The following TENM3 variants were observed in gnomAD, a reference collection of about 807,000 sequenced individuals.
The protein encoded by TENM3 is teneurin transmembrane protein 3.
In TENM3, 63 loss-of-function variants were observed where a neutral mutation model predicts 255.1. The ratio of observed to expected loss-of-function variants is 0.25; its 90% CI spans 0.20 to 0.30. The LOEUF (loss-of-function observed/expected upper bound fraction) is 0.30. Among genes scored for constraint, TENM3 ranks in the 10% least tolerant of loss-of-function variants. TENM3 has a pLI of 1.00. For synonymous variants in TENM3, 1,306 were observed against 1,322.3 expected (o/e 0.99, Z 0.27); for missense variants, 2,929 against 3,461.1 (o/e 0.85, Z 3.86).
the TENM3 span, among the ~76,000 whole-genome samples, chr4:182,077,810 A>G: frequency 6.6e-6 from 1 of 152,148 alleles, no homozygotes; most frequent in Non-Finnish European, 1.5e-5. Flanking sequence ...GAAAGAAGGA[A>G]CTGCATGTAC....
At chr4:181,556,713 C>T in the TENM3 span, among the ~76,000 whole-genome samples, 3 of 152,120 alleles carry the variant, frequency 2.0e-5, no homozygotes, top group Non-Finnish European at 4.4e-5. Context: ...CATCCAGAAG[C>T]GTTGATGCAT....
chr4:182,295,187 T>C (rs1386976653), intron 1 of TENM3, among the ~76,000 whole-genome samples: 1 of 151,888 alleles, frequency 6.6e-6, no homozygotes, highest in Non-Finnish European at 1.5e-5. Flanking sequence ...ATACGTATTA[T>C]TGATGATATA....
At chr4:181,520,750 A>G in the TENM3 span, among the ~76,000 whole-genome samples, 4,318 of 152,236 alleles carry the variant, frequency 0.028, 110 homozygotes, top group East Asian at 0.074. Flanking sequence ...AAATGAAGAT[A>G]TGGATAATAT....
chr4:182,647,685 T>C (rs901791301), intron 5 of TENM3, among the ~76,000 whole-genome samples: 1 of 152,190 alleles, frequency 6.6e-6, no homozygotes, highest in East Asian at 1.9e-4. Flanking sequence ...GGTAAGAACA[T>C]GAGTGTGTAA....
chr4:182,792,419 A>G lies in TENM3; in HGVS notation c.5747A>G (p.Asn1916Ser), dbSNP rs1256075582. 1 of 1,613,582 alleles carries G rather than the reference A, an allele frequency of 6.2e-7. No homozygotes were observed. The highest frequency in any genetic ancestry group is 8.5e-7 in the Non-Finnish European group (1 of 1,179,860). Residue 1916 changes from asparagine to serine, a missense_variant, in exon 26 of 28, where the codon AAC becomes AGC. Physicochemically the swap from Asn to Ser is conservative, Grantham distance 46. Transcript: ENST00000511685. This position sits in a 1 kb window ranked among gnomAD's most constrained non-coding sequence, Gnocchi z 6.3. The stretch of plus-strand genomic sequence containing the variant: ...ATTGGCTACTACCGCAACATATACA[A>G]CCCCCCGGAAAGCAACGCCTCCATC... ...RSIGYYRNIY[N>S]PPESNASIIT...
intron 1 of TENM3, among the ~76,000 whole-genome samples, chr4:182,249,929 C>T (rs1757889427): frequency 6.6e-6 from 1 of 151,410 alleles, no homozygotes; most frequent in African/African-American, 2.4e-5. Flanking sequence ...TGCCTGGCTA[C>T]TTTTTTTTAA....
At chr4:181,724,131 G>T in the TENM3 span, among the ~76,000 whole-genome samples, 2 of 152,200 alleles carry the variant, frequency 1.3e-5, no homozygotes, top group South Asian at 2.1e-4. Flanking sequence ...CGTTCATGTT[G>T]CCCTGTGGCG....
chr4:181,478,270 A>G, the TENM3 span, among the ~76,000 whole-genome samples: 2 of 152,250 alleles, frequency 1.3e-5, no homozygotes. Context: ...ATCATACGGT[A>G]TTATAATAAC....
chr4:181,767,432 A>G, the TENM3 span, among the ~76,000 whole-genome samples: 1 of 152,114 alleles, frequency 6.6e-6, no homozygotes, highest in Non-Finnish European at 1.5e-5. Context: ...CAATCAACAT[A>G]AGGTGGCTAT....
the TENM3 span, among the ~76,000 whole-genome samples, chr4:181,672,833 A>T: frequency 1.3e-5 from 2 of 152,188 alleles, no homozygotes; most frequent in Non-Finnish European, 2.9e-5. Flanking sequence ...TCGCAGAAGT[A>T]GAAACTGAAG....
At position 182,409,494 on chromosome 4, in the gene TENM3, C is replaced by G. The variant is rs547493231; in HGVS notation, c.511+62565C>G. Among the ~76,000 whole-genome samples, 33 of 152,276 alleles carry G rather than the reference C, an allele frequency of 2.2e-4. No homozygotes were observed. The South Asian group carries it at 6.6e-3, about 31-fold the overall frequency. ...TATTTTCCCCTGTCGGGCCCAGATC[C>G]AGGATTGGGCTAGATATTCCACAAC... is the stretch of plus-strand genomic sequence containing the variant. On this transcript the variant is annotated intron_variant, in intron 3 of 27. Transcript: ENST00000511685.
At chr4:182,203,614 C>T (rs573578531) in intron 1 of TENM3, among the ~76,000 whole-genome samples, 6 of 152,298 alleles carry the variant, frequency 3.9e-5, no homozygotes, top group African/African-American at 1.4e-4. Context: ...AACTCCCTTT[C>T]CCCCGCTTTG....
chr4:181,602,036 T>C, the TENM3 span, among the ~76,000 whole-genome samples: 1 of 152,158 alleles, frequency 6.6e-6, no homozygotes, highest in African/African-American at 2.4e-5. Flanking sequence ...GCAAAGGCCC[T>C]TTTTCCAAAT....
At chr4:182,585,971 C>T (rs1385721248) in intron 3 of TENM3, among the ~76,000 whole-genome samples, 5 of 152,166 alleles carry the variant, frequency 3.3e-5, no homozygotes, top group African/African-American at 1.2e-4. Context: ...AAGGCACAAC[C>T]GGCTGGGCAC....
the TENM3 span, among the ~76,000 whole-genome samples, chr4:182,067,742 G>A: frequency 6.6e-6 from 1 of 152,124 alleles, no homozygotes; most frequent in Non-Finnish European, 1.5e-5. Context: ...CCCTTGCTCT[G>A]CTCAGGGATT....
chr4:182,001,654 G>A, the TENM3 span, among the ~76,000 whole-genome samples: 13 of 152,122 alleles, frequency 8.5e-5, no homozygotes, highest in Non-Finnish European at 1.3e-4. Flanking sequence ...AATCACACTG[G>A]CAGGTACTTG....
At chr4:181,462,696 CAT>C in the TENM3 span, among the ~76,000 whole-genome samples, 1 of 152,042 alleles carries the variant, frequency 6.6e-6, no homozygotes, top group Admixed American at 6.5e-5. Flanking sequence ...CCTTTTGAAA[CAT>C]AACTCACGTG....
At chr4:181,754,301 C>CACAA in the TENM3 span, among the ~76,000 whole-genome samples, 1 of 151,612 alleles carries the variant, frequency 6.6e-6, no homozygotes, top group Non-Finnish European at 1.5e-5. Flanking sequence ...CACACACACA[C>CACAA]ACACACACAC....
chr4:182,650,200 A>T (rs1753130903), intron 5 of TENM3, among the ~76,000 whole-genome samples: 1 of 150,322 alleles, frequency 6.7e-6, no homozygotes, highest in Admixed American at 6.7e-5. Flanking sequence ...TACCACCAGC[A>T]CAAGGACCAT....
Sources: allele counts gnomAD v4.1 joint callset (sites outside exome capture counted in the v4.1 genomes callset), GRCh38; gene constraint gnomAD v4.1.1; non-coding constraint Gnocchi (gnomAD v3.1); transcripts MANE v1.5; gene names NCBI Gene and HGNC (gene_info 2026-07-23, HGNC 2026-07-21).